Variants in UBE2K observed in about 807,000 individuals in gnomAD.
UBE2K encodes the protein ubiquitin conjugating enzyme E2 K, also known as ubiquitin-conjugating enzyme E2 K.
A neutral mutation model predicts 30.0 loss-of-function variants in UBE2K; 6 were observed. The observed-to-expected ratio is 0.20, with a 90% CI of 0.11 to 0.39. The LOEUF (loss-of-function observed/expected upper bound fraction) is 0.39. UBE2K is among the 10% of genes least tolerant of loss of function. The pLI, the probability that UBE2K is intolerant of heterozygous loss-of-function variation, is 1.00. For synonymous variants in UBE2K, 86 were observed against 83.7 expected (o/e 1.03, Z -0.15); for missense variants, 61 against 241.6 (o/e 0.25, Z 4.96).
intron 1 of UBE2K, among the ~76,000 whole-genome samples, chr4:39,732,289 T>G (rs1434043925): frequency 6.6e-6 from 1 of 152,208 alleles, no homozygotes; most frequent in East Asian, 1.9e-4. Context: ...TTTAAAAAGG[T>G]TAAACAACAA....
intron 1 of UBE2K, among the ~76,000 whole-genome samples, chr4:39,721,192 TGA>T (rs1348894042): frequency 2.0e-5 from 3 of 152,174 alleles, no homozygotes; most frequent in Non-Finnish European, 2.9e-5. Flanking sequence ...TCAATTAAAA[TGA>T]GAGTTTCTTT....
Position 39,703,925 on chromosome 4 carries a change from CACAG to C in UBE2K, c.63+5540_63+5543del, listed in dbSNP as rs538324789. ...ATAATTTATCTAAAGAATAAATGGACACAGACAGTAAAGACAAAAAATATATACT... is the reference window on the plus strand; with the variant it reads ...ATAATTTATCTAAAGAATAAATGGACACAGTAAAGACAAAAAATATATACT... On this transcript the variant is annotated intron_variant, in intron 1 of 6. Transcript: ENST00000261427. 1.1e-3 allele frequency among the ~76,000 whole-genome samples: 165 copies of C among 150,786 alleles called. 2 individuals carry two copies. Among genetic ancestry groups the C allele is most frequent in the Middle Eastern group, 3.5e-3 (1 of 288 alleles).
chr4:39,767,798 AT>A (rs1417856722), intron 4 of UBE2K, among the ~76,000 whole-genome samples: 1 of 152,170 alleles, frequency 6.6e-6, no homozygotes, highest in Non-Finnish European at 1.5e-5. Context: ...TTAGTATTAA[AT>A]ACTTCCTTTG....
chr4:39,716,725 C>T (rs1448869309), intron 1 of UBE2K, among the ~76,000 whole-genome samples: 8 of 152,086 alleles, frequency 5.3e-5, no homozygotes, highest in Non-Finnish European at 1.0e-4. Flanking sequence ...AGGCCAGACA[C>T]GGTGGCTCAC....
intron 1 of UBE2K, among the ~76,000 whole-genome samples, chr4:39,711,412 T>G (rs1718671990): frequency 6.6e-6 from 1 of 151,858 alleles, no homozygotes; most frequent in African/African-American, 2.4e-5. Context: ...TCCGCCCGCC[T>G]CGGCCTCCCA....
In UBE2K at chr4:39,698,327, C is replaced by T. The variant is rs1200051312; in HGVS notation, c.-1C>T. 6.2e-7 allele frequency: 1 copy of T among 1,612,084 alleles called. No individual in the cohort carries two copies. The highest frequency in any genetic ancestry group is 1.7e-4 in the Middle Eastern group (1 of 6,056). Reference sequence around the variant, plus strand: ...GGTACGAATCAGCTGCGGGCGGAGACATGGCCAACATCGCGGTGCAGCGAA... The same window carrying T: ...GGTACGAATCAGCTGCGGGCGGAGATATGGCCAACATCGCGGTGCAGCGAA... On this transcript the variant is annotated 5_prime_UTR_variant, in exon 1 of 7. Transcript: ENST00000261427.
At chr4:39,722,100 C>A (rs1374551345) in intron 1 of UBE2K, among the ~76,000 whole-genome samples, 2 of 152,030 alleles carry the variant, frequency 1.3e-5, no homozygotes, top group African/African-American at 2.4e-5. Context: ...CCAAAAAAAA[C>A]CCCAAACTTC....
chr4:39,717,717 G>A (rs1223746674), intron 1 of UBE2K, among the ~76,000 whole-genome samples: 1 of 152,196 alleles, frequency 6.6e-6, no homozygotes, highest in Non-Finnish European at 1.5e-5. Flanking sequence ...ATGAAGCCAC[G>A]GACCCTTGCG....
intron 4 of UBE2K, among the ~76,000 whole-genome samples, chr4:39,761,658 A>G (rs1711954277): frequency 6.6e-6 from 1 of 152,138 alleles, no homozygotes; most frequent in Admixed American, 6.6e-5. Context: ...ATTTGTTATA[A>G]TAGATTTAAG....
At chr4:39,767,029 G>T (rs531578109) in intron 4 of UBE2K, among the ~76,000 whole-genome samples, 1 of 152,298 alleles carries the variant, frequency 6.6e-6, no homozygotes, top group Admixed American at 6.5e-5. Flanking sequence ...GGGATTACAG[G>T]TGTGAGCCAC....
intron 4 of UBE2K, among the ~76,000 whole-genome samples, chr4:39,771,628 G>T (rs1712864473): frequency 6.6e-6 from 1 of 152,166 alleles, no homozygotes; most frequent in Non-Finnish European, 1.5e-5. Flanking sequence ...GGCGTAAAGG[G>T]GTAGGGGCGG....
chr4:39,771,357 C>T, intron 4 of UBE2K: 2 of 1,612,778 alleles, frequency 1.2e-6, no homozygotes, highest in Non-Finnish European at 1.7e-6. Flanking sequence ...ACTCCTCTGC[C>T]CGGAGCTTGT....
intron 1 of UBE2K, among the ~76,000 whole-genome samples, chr4:39,728,809 G>GT (rs1364708681): frequency 2.5e-4 from 31 of 123,850 alleles, no homozygotes; most frequent in Middle Eastern, 4.0e-3. Context: ...CGGCTAGTAG[G>GT]TTTTTTTTGT....
At chr4:39,771,123 T>C (rs1444622061) in intron 4 of UBE2K, 3 of 1,612,518 alleles carry the variant, frequency 1.9e-6, no homozygotes, top group Admixed American at 1.7e-5. Flanking sequence ...AGGAGGTGGC[T>C]GTAAGATAGT....
At chr4:39,758,182 A>G (rs1711624786) in intron 4 of UBE2K, among the ~76,000 whole-genome samples, 1 of 152,106 alleles carries the variant, frequency 6.6e-6, no homozygotes, top group East Asian at 1.9e-4. Flanking sequence ...TCACATCATG[A>G]TCCTTGGCAT....
At chr4:39,734,538 C>T (rs2109345667) in intron 1 of UBE2K, among the ~76,000 whole-genome samples, 1 of 152,222 alleles carries the variant, frequency 6.6e-6, no homozygotes. Context: ...TACCTCACAC[C>T]TGTAATCGCA....
In UBE2K at chr4:39,745,807, TA is replaced by T; in HGVS notation, c.215del (p.Lys72ArgfsTer25). On this transcript the variant is annotated frameshift_variant and splice_region_variant, in exon 3 of 7. Transcript: ENST00000261427. LOFTEE classifies it high-confidence loss of function. ...IPETYPFNPPKVRFITKIWHP... is the reference protein window; with the variant it reads ...IPETYPFNPPXVRFITKIWHP... Reference sequence around the variant, plus strand: ...CAGAAACATACCCATTTAATCCCCCTAAGGTATTGTAAGCCTATTTTTGTGC... The same window carrying T: ...CAGAAACATACCCATTTAATCCCCCTAGGTATTGTAAGCCTATTTTTGTGC... 1 of 1,594,048 alleles carries T rather than the reference TA, an allele frequency of 6.3e-7. No individual in the cohort carries two copies. The highest frequency in any genetic ancestry group is 8.5e-7 in the Non-Finnish European group (1 of 1,169,904).
chr4:39,774,055 G>A lies in UBE2K; in HGVS notation c.300-779G>A, dbSNP rs556108824. On this transcript the variant is annotated intron_variant, in intron 4 of 6. Coordinates refer to ENST00000261427, the MANE Select transcript of UBE2K (RefSeq NM_005339.5). ...GCTCACACCTGTAACCCTAACCTTT[G>A]GGAGGCCAAGGTGGATGGATCACCT... Among the ~76,000 whole-genome samples the A allele has an allele frequency of 9.2e-5, 14 of 152,258 alleles. 1 individual carries two copies. The highest frequency in any genetic ancestry group is 3.4e-4 in the African/African-American group (14 of 41,548).
At chr4:39,721,208 A>G (rs1167565420) in intron 1 of UBE2K, among the ~76,000 whole-genome samples, 1 of 152,204 alleles carries the variant, frequency 6.6e-6, no homozygotes, top group African/African-American at 2.4e-5. Flanking sequence ...TTTCTTTAGT[A>G]GGGAAGAAGG....
Sources: allele counts gnomAD v4.1 joint callset (sites outside exome capture counted in the v4.1 genomes callset), GRCh38; gene constraint gnomAD v4.1.1; transcripts MANE v1.5; gene names NCBI Gene and HGNC (gene_info 2026-07-23, HGNC 2026-07-21).